The following PRICKLE1 variants were observed in gnomAD, a reference collection of about 807,000 sequenced individuals.
PRICKLE1 encodes the protein prickle-like protein 1.
Under a neutral mutation model 70.2 loss-of-function variants are expected in PRICKLE1, and 14 were observed. That is an observed-to-expected ratio of 0.20 (90% CI 0.13 to 0.31). The LOEUF is 0.31. Among genes scored for constraint, PRICKLE1 ranks in the 10% least tolerant of loss-of-function variants. The pLI, the probability that PRICKLE1 is intolerant of heterozygous loss-of-function variation, is 1.00. For missense variants in PRICKLE1, 821 were observed against 1,026.2 expected (o/e 0.80, Z 2.73); for synonymous variants, 357 against 379.9 (o/e 0.94, Z 0.70).
At chr12:42,513,182 G>A (rs559377328) in intron 1 of PRICKLE1, among the ~76,000 whole-genome samples, 7 of 152,080 alleles carry the variant, frequency 4.6e-5, no homozygotes, top group African/African-American at 1.2e-4. Flanking sequence ...GGCTGGTGTC[G>A]AACTCCTGAC....
chr12:42,515,652 G>C (rs61924423), intron 1 of PRICKLE1, among the ~76,000 whole-genome samples: 50,750 of 152,112 alleles, frequency 0.33, 10,254 homozygotes, highest in East Asian at 0.51. Context: ...AACCTCAAAT[G>C]ATACTTTGGT....
intron 5 of PRICKLE1, among the ~76,000 whole-genome samples, chr12:42,467,527 G>A (rs549394729): frequency 6.6e-6 from 1 of 152,212 alleles, no homozygotes; most frequent in South Asian, 2.1e-4. Context: ...AATCTCTTGG[G>A]GTCAGGAATT....
chr12:42,494,807 T>TA (rs762488511), intron 1 of PRICKLE1, among the ~76,000 whole-genome samples: 989 of 90,400 alleles, frequency 0.011, 11 homozygotes, highest in African/African-American at 0.028. Context: ...ACTCTGTCTC[T>TA]AAAAAAAAAA....
intron 1 of PRICKLE1, among the ~76,000 whole-genome samples, chr12:42,519,209 T>C (rs1171483084): frequency 2.7e-5 from 4 of 146,146 alleles, no homozygotes; most frequent in Non-Finnish European, 1.5e-5. Context: ...TTTTTTTTTT[T>C]TTTTGAGATG....
rs200319900 is a variant in PRICKLE1, at chr12:42,460,714, C to T, written c.1640-49G>A. 1,143 of 1,592,560 alleles carry T rather than the reference C, an allele frequency of 7.2e-4. 6 individuals carry two copies. The Middle Eastern group carries it at 9.9e-3, about 14-fold the overall frequency. ...TGTGCTTCTCAATCATCCTAATATT[C>T]GACAGTACTTAAAAGTAAGCTACTG... On this transcript the variant is annotated intron_variant, in intron 7 of 7. Transcript: ENST00000345127.
At chr12:42,477,089 G>A (rs967379735) in intron 1 of PRICKLE1, among the ~76,000 whole-genome samples, 13 of 151,946 alleles carry the variant, frequency 8.6e-5, no homozygotes, top group Admixed American at 2.0e-4. Flanking sequence ...TTATAAAGAC[G>A]TGGCCAGGCG....
intron 1 of PRICKLE1, among the ~76,000 whole-genome samples, chr12:42,563,513 C>A (rs1307006683): frequency 1.3e-5 from 2 of 151,146 alleles, no homozygotes; most frequent in African/African-American, 4.9e-5. Context: ...TCCTGGCTAA[C>A]ACAGTGAAAC....
In PRICKLE1 at chr12:42,560,370, G is replaced by A. The variant is rs1051318195; in HGVS notation, c.-49+29095C>T. Among the ~76,000 whole-genome samples the A allele has an allele frequency of 3.3e-5, 5 of 151,898 alleles. No individual in the cohort carries two copies. In the East Asian group the frequency reaches 9.7e-4, roughly 29 times the overall value. ...GCTGGTCTCGAACTCCTGACCTCAG[G>A]TGATCCACCCGCCTCGGCTTCCCAA... On this transcript the variant is annotated intron_variant, in intron 1 of 7. Coordinates refer to ENST00000345127, the MANE Select transcript of PRICKLE1 (RefSeq NM_153026.3).
Position 42,589,053 on chromosome 12 carries a change from C to T in PRICKLE1, c.-49+412G>A, listed in dbSNP as rs1941032218. The T allele has an allele frequency of 6.6e-6, 1 of 152,228 alleles. No homozygotes were observed. Among genetic ancestry groups the T allele is most frequent in the Non-Finnish European group, 1.5e-5 (1 of 68,076 alleles). The allele number at this position is 152,228 out of a possible 1,614,324, so 9.4% of individuals were successfully genotyped here. ...CAGCGCTAGAGGAGAGAATCGGTAC[C>T]CTCCCTCCGGACGCCAGTAGGTGAC... On this transcript the variant is annotated intron_variant, in intron 1 of 7. Transcript: ENST00000345127. This position sits in a 1 kb window ranked among gnomAD's most constrained non-coding sequence, Gnocchi z 5.0.
intron 1 of PRICKLE1, among the ~76,000 whole-genome samples, chr12:42,505,090 G>A (rs755713713): frequency 2.8e-4 from 42 of 152,162 alleles, no homozygotes; most frequent in Non-Finnish European, 5.3e-4. Flanking sequence ...AGTGAGCCTA[G>A]ACTGTGCCAC....
At chr12:42,473,696 A>T (rs1011750084) in intron 1 of PRICKLE1, among the ~76,000 whole-genome samples, 7 of 152,206 alleles carry the variant, frequency 4.6e-5, no homozygotes, top group Non-Finnish European at 1.0e-4. Context: ...AGAAAACAAG[A>T]TTCAGGAAAG....
chr12:42,474,302 A>G (rs1351210278), intron 1 of PRICKLE1, among the ~76,000 whole-genome samples: 1 of 152,234 alleles, frequency 6.6e-6, no homozygotes, highest in Non-Finnish European at 1.5e-5. Flanking sequence ...AAACTTGATT[A>G]AAATTTATGG....
At chr12:42,555,295 A>T (rs185549852) in intron 1 of PRICKLE1, among the ~76,000 whole-genome samples, 2 of 152,236 alleles carry the variant, frequency 1.3e-5, no homozygotes, top group Admixed American at 1.3e-4. Context: ...CAAGAGCGAA[A>T]CTCCATCTCA....
intron 1 of PRICKLE1, among the ~76,000 whole-genome samples, chr12:42,506,359 C>A (rs1340564947): frequency 6.8e-6 from 1 of 147,326 alleles, no homozygotes; most frequent in Non-Finnish European, 1.5e-5. Context: ...TGGGTTCAAG[C>A]GATTCTTCTG....
intron 1 of PRICKLE1, among the ~76,000 whole-genome samples, chr12:42,582,197 A>G (rs1940913763): frequency 2.0e-5 from 3 of 152,240 alleles, no homozygotes; most frequent in Admixed American, 2.0e-4. Flanking sequence ...AAACACAAAC[A>G]TCTTCTCTGT....
intron 1 of PRICKLE1, among the ~76,000 whole-genome samples, chr12:42,477,137 C>T (rs573082298): frequency 6.6e-6 from 1 of 152,030 alleles, no homozygotes; most frequent in East Asian, 1.9e-4. Context: ...CTTTGGGAGG[C>T]CAAGGCGGGT....
Position 42,554,456 on chromosome 12 carries a change from A to G in PRICKLE1, c.-49+35009T>C, listed in dbSNP as rs116134729. ...TGGAGAAAAATTCTATTTCCAAGAA[A>G]ACTATGGCCATTGATTTCCCTCGTT... is the stretch of plus-strand genomic sequence containing the variant. On this transcript the variant is annotated intron_variant, in intron 1 of 7. Coordinates refer to ENST00000345127, the MANE Select transcript of PRICKLE1 (RefSeq NM_153026.3). Among the ~76,000 whole-genome samples, 1,516 of 152,340 alleles carry G rather than the reference A, an allele frequency of 1.0e-2. 29 individuals are homozygous for G. Among genetic ancestry groups the G allele is most frequent in the African/African-American group, 0.035 (1,445 of 41,578 alleles).
chr12:42,548,886 C>T (rs1230613666), intron 1 of PRICKLE1, among the ~76,000 whole-genome samples: 2 of 152,158 alleles, frequency 1.3e-5, no homozygotes, highest in Non-Finnish European at 1.5e-5. Flanking sequence ...TCTGGGAGGC[C>T]GAGGCAGGTG....
Position 42,562,156 on chromosome 12 carries a change from C to G in PRICKLE1, c.-49+27309G>C, listed in dbSNP as rs185278172. Among the ~76,000 whole-genome samples, 3 of 152,144 alleles carry G rather than the reference C, an allele frequency of 2.0e-5. No homozygotes were observed. The East Asian group carries it at 5.8e-4, about 29-fold the overall frequency. On this transcript the variant is annotated intron_variant, in intron 1 of 7. Coordinates refer to ENST00000345127, the MANE Select transcript of PRICKLE1 (RefSeq NM_153026.3). ...AACTCCTGACTTCAGGTGATCCGCT[C>G]GCCTTGGTCTCCCAAAGTGCTGGGA...
Sources: gnomAD v4.1 joint callset for allele counts (sites outside exome capture counted in the v4.1 genomes callset) on GRCh38, gnomAD v4.1.1 for gene constraint, Gnocchi (gnomAD v3.1) non-coding constraint, MANE v1.5 for transcripts, NCBI Gene and HGNC (gene_info 2026-07-23, HGNC 2026-07-21) for gene names.